Variants in SYN1 observed in about 807,000 individuals in gnomAD.
SYN1 encodes the protein synapsin-1.
In SYN1, 8 loss-of-function variants were observed where a neutral mutation model predicts 44.6. That is an observed-to-expected ratio of 0.18 (90% CI 0.11 to 0.32). The LOEUF is 0.32. Among genes scored for constraint, SYN1 ranks in the 10% least tolerant of loss-of-function variants. SYN1 has a pLI of 1.00. For synonymous variants in SYN1, 275 were observed against 280.1 expected (o/e 0.98, Z 0.18); for missense variants, 451 against 639.4 (o/e 0.71, Z 3.18).
chrX:47,616,051 C>T (rs12012797), intron 1 of SYN1, among the ~76,000 whole-genome samples: 1 of 110,251 alleles, frequency 9.1e-6, no homozygotes, highest in Non-Finnish European at 1.9e-5. Context: ...GACTGTATTT[C>T]GGTGTACATT....
chrX:47,573,947 G>A, intron 12 of SYN1, 55 bp downstream of exon 12: 1 of 1,056,903 alleles, frequency 9.5e-7, no homozygotes, highest in Non-Finnish European at 1.2e-6. Flanking sequence ...CTCTACTGGG[G>A]CAGCGGCCCG....
chrX:47,597,299 C>A (rs1451229193), intron 5 of SYN1, among the ~76,000 whole-genome samples: 1 of 104,688 alleles, frequency 9.6e-6, no homozygotes, highest in Non-Finnish European at 2.0e-5. Context: ...TGTGCCATTG[C>A]ACTCTAGCCT....
chrX:47,574,747 C>A lies in SYN1; in HGVS notation c.1334G>T (p.Gly445Val). The A allele has an allele frequency of 8.4e-6, 10 of 1,189,409 alleles. No individual in the cohort carries two copies. The highest frequency in any genetic ancestry group is 1.1e-5 in the Non-Finnish European group (10 of 884,822). Residue 445 changes from glycine (G) to valine (V), a missense_variant, in exon 11 of 13, where the codon GGC becomes GTC. By Grantham distance (109) the Gly-to-Val change is moderately radical. Coordinates refer to ENST00000295987, the MANE Select transcript of SYN1 (RefSeq NM_006950.3). ...QTPSPGALPLGRQTSQQPAGP... is the reference protein window; with the variant it reads ...QTPSPGALPLVRQTSQQPAGP... ...TGCGGGCTGCTGGGAGGTCTGGCGG[C>A]CCAAGGGCAGGGCCCCTGGGGACGG...
At chrX:47,616,163 C>T (rs2057930692) in intron 1 of SYN1, among the ~76,000 whole-genome samples, 1 of 111,102 alleles carries the variant, frequency 9.0e-6, no homozygotes, top group Non-Finnish European at 1.9e-5. Flanking sequence ...GTCTCTGTTC[C>T]CCACACTGAG....
chrX:47,583,180 C>A (rs1368608554), intron 5 of SYN1, among the ~76,000 whole-genome samples: 1 of 100,797 alleles, frequency 9.9e-6, no homozygotes, highest in Non-Finnish European at 2.0e-5. Context: ...CATAACCCCG[C>A]AACTCACTCA....
intron 1 of SYN1, among the ~76,000 whole-genome samples, chrX:47,618,739 G>A (rs1413875923): frequency 9.0e-6 from 1 of 111,523 alleles, no homozygotes; most frequent in Non-Finnish European, 1.9e-5. Context: ...AGAAGCTGGG[G>A]TGGGATACAC....
chrX:47,605,849 C>T (rs1363562400), intron 3 of SYN1, among the ~76,000 whole-genome samples: 1 of 111,521 alleles, frequency 9.0e-6, no homozygotes, highest in Non-Finnish European at 1.9e-5. Context: ...GCAGACCCCA[C>T]CATCATCCAA....
chrX:47,601,394 T>TA (rs1427320091), intron 5 of SYN1, among the ~76,000 whole-genome samples: 1 of 111,606 alleles, frequency 9.0e-6, no homozygotes, highest in African/African-American at 3.3e-5. Context: ...TAGGAATAAG[T>TA]AAAACTTCCT....
chrX:47,609,256 G>A (rs1262085253), intron 1 of SYN1, among the ~76,000 whole-genome samples: 1 of 112,208 alleles, frequency 8.9e-6, no homozygotes, highest in East Asian at 2.8e-4. Context: ...GCTCATGGCT[G>A]TGTCCCCACT....
intron 6 of SYN1, 145 bp from the exon 7 acceptor site, chrX:47,576,785 G>T: frequency 1.4e-6 from 1 of 734,608 alleles, no homozygotes; most frequent in Non-Finnish European, 2.0e-6. Context: ...GCTCAAGCAG[G>T]CACGATCATG....
At position 47,593,757 on chromosome X, in the gene SYN1, C is replaced by T. The variant is rs187373070; in HGVS notation, c.774+11221G>A. On this transcript the variant is annotated intron_variant, in intron 5 of 12. Transcript: ENST00000295987. The stretch of plus-strand genomic sequence containing the variant: ...TTTTTATGGGGAAGTTCCTTAAAAA[C>T]TTTCTCTATTTCTTTTATGGAAATT... 3.0e-3 allele frequency among the ~76,000 whole-genome samples: 332 copies of T among 111,897 alleles called. 3 individuals carry two copies. The highest frequency in any genetic ancestry group is 8.9e-3 in the African/African-American group (275 of 30,830).
intron 6 of SYN1, among the ~76,000 whole-genome samples, chrX:47,576,889 G>A (rs942172192): frequency 1.8e-5 from 2 of 111,783 alleles, no homozygotes; most frequent in African/African-American, 6.5e-5. Context: ...ACTTTAAATG[G>A]GTGAGTTGTA....
chrX:47,612,538 T>G (rs5905616), intron 1 of SYN1, among the ~76,000 whole-genome samples: 40,970 of 110,268 alleles, frequency 0.37, 6,053 homozygotes, highest in African/African-American at 0.54. Flanking sequence ...GTTCACAAAT[T>G]GGTTGTCTTA....
Position 47,575,226 on chromosome X carries a change from T to C in SYN1, c.1207A>G (p.Lys403Glu). The C allele has an allele frequency of 8.3e-7, 1 of 1,208,459 alleles. No homozygotes were observed. Among genetic ancestry groups the C allele is most frequent in the Non-Finnish European group, 1.1e-6 (1 of 893,805 alleles). ...ACCACGAGCTCTACGATGAGCTGTT[T>C]GTCTTCATCCTGGTGGTCACCAATG... ...PLIGDHQDEDKQLIVELVVNK... is the reference protein window; with the variant it reads ...PLIGDHQDEDEQLIVELVVNK... Residue 403 changes from lysine (K) to glutamate (E), a missense_variant, in exon 10 of 13, where the codon AAA becomes GAA. This residue lies in a region of SYN1 where 315 missense variants were observed against 451.4 expected (regional missense o/e 0.70). Transcript: ENST00000295987.
intron 1 of SYN1, among the ~76,000 whole-genome samples, chrX:47,608,707 C>T (rs1603073200): frequency 9.1e-6 from 1 of 109,978 alleles, no homozygotes; most frequent in African/African-American, 3.3e-5. Context: ...GGCCCGTCCC[C>T]AGCTGGGCTT....
intron 1 of SYN1, among the ~76,000 whole-genome samples, chrX:47,619,074 A>C (rs1006285848): frequency 1.6e-4 from 18 of 110,196 alleles, no homozygotes; most frequent in Admixed American, 1.6e-3. Flanking sequence ...GGCTCATAGG[A>C]TATATTGAAG....
At chrX:47,580,583 A>T (rs1334757865) in intron 5 of SYN1, among the ~76,000 whole-genome samples, 5 of 106,748 alleles carry the variant, frequency 4.7e-5, no homozygotes, top group African/African-American at 1.7e-4. Flanking sequence ...GTGAGCCAAG[A>T]TCTTGCCATT....
At chrX:47,589,023 C>G (rs1031376997) in intron 5 of SYN1, among the ~76,000 whole-genome samples, 4 of 111,471 alleles carry the variant, frequency 3.6e-5, no homozygotes, top group African/African-American at 9.8e-5. Context: ...GGAAATGGGA[C>G]AGTCATGGTG....
intron 5 of SYN1, chrX:47,585,363 C>T: frequency 2.5e-6 from 3 of 1,209,711 alleles, no homozygotes; most frequent in Non-Finnish European, 2.2e-6. Flanking sequence ...CTGTGCCACA[C>T]CAACCAGTCC....
Sources: gnomAD v4.1 joint callset for allele counts (sites outside exome capture counted in the v4.1 genomes callset) on GRCh38, gnomAD v4.1.1 for gene constraint, gnomAD v4.1.1 regional missense constraint, MANE v1.5 for transcripts, NCBI Gene and HGNC (gene_info 2026-07-23, HGNC 2026-07-21) for gene names.